TLL1: variants seen among roughly 807,000 people sequenced by gnomAD.
TLL1 encodes the protein tolloid like 1.
Under a neutral mutation model 128.2 loss-of-function variants are expected in TLL1, and 49 were observed. The observed-to-expected ratio is 0.38, with a 90% CI of 0.30 to 0.48. The LOEUF (loss-of-function observed/expected upper bound fraction) is 0.48. Among genes scored for constraint, TLL1 ranks in the 20% least tolerant of loss-of-function variants. The pLI is 0.96. For missense variants in TLL1, 1,123 were observed against 1,242.0 expected (o/e 0.90, Z 1.44); for synonymous variants, 454 against 418.8 (o/e 1.08, Z -1.03).
intron 1 of TLL1, among the ~76,000 whole-genome samples, chr4:165,968,325 C>T (rs980678560): frequency 1.2e-4 from 18 of 152,156 alleles, no homozygotes; most frequent in African/African-American, 4.1e-4. Context: ...ACCTAAAGGA[C>T]TGCCATTCTT....
At chr4:165,997,338 C>T (rs1736932129) in intron 5 of TLL1, among the ~76,000 whole-genome samples, 1 of 152,062 alleles carries the variant, frequency 6.6e-6, no homozygotes, top group South Asian at 2.1e-4. Flanking sequence ...AAAAAGACAA[C>T]AGTGTGGCAA....
chr4:166,022,372 C>T (rs1334434766), intron 8 of TLL1, among the ~76,000 whole-genome samples: 1 of 152,070 alleles, frequency 6.6e-6, no homozygotes, highest in Non-Finnish European at 1.5e-5. Flanking sequence ...CACCTGTTGG[C>T]CAGGCTGGTC....
rs60978680 is a variant in TLL1, at chr4:166,096,210, GGTGT to G, written c.2657-3036_2657-3033del. ...ATCCTGTGGACTGAATTCTGTCATG[GGTGT>G]GTGTGTGTGTGTGTGTGTGTGTGTG... On this transcript the variant is annotated intron_variant, in intron 19 of 20. Coordinates refer to ENST00000061240, the MANE Select transcript of TLL1 (RefSeq NM_012464.5). 3.7e-3 allele frequency among the ~76,000 whole-genome samples: 542 copies of G among 145,500 alleles called. 3 individuals carry two copies. The highest frequency in any genetic ancestry group is 9.3e-3 in the South Asian group (42 of 4,492).
chr4:165,991,152 G>T (rs1320588728), intron 2 of TLL1, among the ~76,000 whole-genome samples: 2 of 151,860 alleles, frequency 1.3e-5, no homozygotes, highest in African/African-American at 4.8e-5. Context: ...GATTTTCTGT[G>T]ATTTTAAATT....
intron 1 of TLL1, among the ~76,000 whole-genome samples, chr4:165,942,860 T>C (rs145014616): frequency 7.9e-5 from 12 of 152,128 alleles, no homozygotes; most frequent in African/African-American, 2.6e-4. Flanking sequence ...TTTCATGTAA[T>C]CACATATGGA....
rs958643684 is a variant in TLL1, at chr4:166,104,211, T to C, written c.*3335T>C. 6.6e-6 allele frequency among the ~76,000 whole-genome samples: 1 copy of C among 151,966 alleles called. No individual in the cohort carries two copies. Among genetic ancestry groups the C allele is most frequent in the Non-Finnish European group, 1.5e-5 (1 of 67,932 alleles). On this transcript the variant is annotated 3_prime_UTR_variant, in exon 21 of 21. Transcript: ENST00000061240. ...TAGAAAAATCTCTAAAAGCATCAAA[T>C]GACTAATTTTATTTTTGCAAGGTTA...
intron 8 of TLL1, among the ~76,000 whole-genome samples, chr4:166,018,792 A>C (rs1738071278): frequency 6.6e-6 from 1 of 152,228 alleles, no homozygotes; most frequent in Admixed American, 6.5e-5. Flanking sequence ...GTTATTAAAA[A>C]GATGAAAAAT....
intron 1 of TLL1, among the ~76,000 whole-genome samples, chr4:165,928,055 C>G (rs575423853): frequency 4.6e-4 from 70 of 152,138 alleles, no homozygotes; most frequent in Middle Eastern, 3.4e-3. Flanking sequence ...TGGTTTTGTA[C>G]AGAGTGGAAA....
At chr4:166,050,473 T>C (rs1005631288) in intron 12 of TLL1, among the ~76,000 whole-genome samples, 1 of 152,218 alleles carries the variant, frequency 6.6e-6, no homozygotes, top group Non-Finnish European at 1.5e-5. Flanking sequence ...GTGGTATTGC[T>C]AGATCATATG....
intron 1 of TLL1, among the ~76,000 whole-genome samples, chr4:165,887,698 C>G (rs1185498417): frequency 1.3e-5 from 2 of 152,056 alleles, no homozygotes; most frequent in African/African-American, 2.4e-5. Flanking sequence ...ACTTGTCAAG[C>G]CTCAACATTT....
chr4:166,002,812 G>A (rs953169410), intron 5 of TLL1, among the ~76,000 whole-genome samples: 1 of 152,086 alleles, frequency 6.6e-6, no homozygotes, highest in Non-Finnish European at 1.5e-5. Context: ...TCTTCCATGA[G>A]TAGAAAAAGT....
intron 1 of TLL1, among the ~76,000 whole-genome samples, chr4:165,893,322 G>A (rs954202644): frequency 1.3e-5 from 2 of 152,170 alleles, no homozygotes; most frequent in African/African-American, 2.4e-5. Flanking sequence ...TGGGCATCAG[G>A]CAGCAAAGAA....
chr4:165,991,758 A>G (rs888445476), intron 2 of TLL1, among the ~76,000 whole-genome samples: 2 of 151,992 alleles, frequency 1.3e-5, no homozygotes, highest in Non-Finnish European at 2.9e-5. Context: ...TGATTTGTGA[A>G]TAGTTCAAGT....
chr4:165,953,351 C>A (rs1734618565), intron 1 of TLL1, among the ~76,000 whole-genome samples: 1 of 152,026 alleles, frequency 6.6e-6, no homozygotes, highest in African/African-American at 2.4e-5. Context: ...TCACATGCTG[C>A]AGCTCCCCCA....
chr4:166,062,218 T>C (rs753045319), intron 15 of TLL1, among the ~76,000 whole-genome samples: 24 of 152,186 alleles, frequency 1.6e-4, no homozygotes, highest in Middle Eastern at 3.2e-3. Context: ...TTTGGTTCCA[T>C]ATGAACTTTA....
rs538092942 is a variant in TLL1, at chr4:166,032,822, G to A, written c.1159-6517G>A. On this transcript the variant is annotated intron_variant, in intron 9 of 20. Transcript: ENST00000061240. ...AAAAAGCACAAATAAAAATGAAAAC[G>A]GAGACTATTATAACACATAAGGATG... Among the ~76,000 whole-genome samples the A allele has an allele frequency of 1.5e-3, 221 of 152,036 alleles. 1 individual carries two copies. The highest frequency in any genetic ancestry group is 4.8e-3 in the African/African-American group (199 of 41,488).
chr4:166,082,869 G>T (rs1741354543), intron 18 of TLL1, among the ~76,000 whole-genome samples: 1 of 151,956 alleles, frequency 6.6e-6, no homozygotes, highest in South Asian at 2.1e-4. Flanking sequence ...TAGAGTCAGC[G>T]TTTTGCTATG....
chr4:166,094,789 C>G (rs1313429772), intron 19 of TLL1, among the ~76,000 whole-genome samples: 1 of 152,060 alleles, frequency 6.6e-6, no homozygotes, highest in East Asian at 1.9e-4. Flanking sequence ...CTGAAATACT[C>G]TTACTTATGT....
chr4:166,070,722 A>G (rs1328024211), intron 16 of TLL1, among the ~76,000 whole-genome samples: 1 of 151,902 alleles, frequency 6.6e-6, no homozygotes, highest in Non-Finnish European at 1.5e-5. Flanking sequence ...TCTAAATTCA[A>G]GTGATTTCAA....
Sources: allele counts gnomAD v4.1 joint callset (sites outside exome capture counted in the v4.1 genomes callset), GRCh38; gene constraint gnomAD v4.1.1; transcripts MANE v1.5; gene names NCBI Gene and HGNC (gene_info 2026-07-23, HGNC 2026-07-21).